The following PIK3R2 variants were observed in gnomAD, a reference collection of about 807,000 sequenced individuals.
PIK3R2 encodes the protein phosphatidylinositol 3-kinase regulatory subunit beta.
PIK3R2 carries 40 observed loss-of-function variants against 78.5 expected under a neutral mutation model. That is an observed-to-expected ratio of 0.51 (90% CI 0.40 to 0.66). PIK3R2 has a LOEUF of 0.66. PIK3R2 is among the 30% of genes least tolerant of loss of function. The probability of loss-of-function intolerance (pLI) is 0.00; values close to 1 mark genes in which losing one functional copy is unlikely to be tolerated. For missense variants in PIK3R2, 880 were observed against 1,026.6 expected (o/e 0.86, Z 1.95); for synonymous variants, 473 against 457.7 (o/e 1.03, Z -0.43).
intron 12 of PIK3R2, 114 bp downstream of exon 12, chr19:18,166,416 G>GCTGAGGCTCT: frequency 1.2e-6 from 1 of 865,962 alleles, no homozygotes. Flanking sequence ...GTAGTCTGTT[G>GCTGAGGCTCT]AAATGGACTT....
chr19:18,169,472 T>C lies in PIK3R2; in HGVS notation c.*178T>C. On this transcript the variant is annotated 3_prime_UTR_variant, in exon 16 of 16. Coordinates refer to ENST00000222254, the MANE Select transcript of PIK3R2 (RefSeq NM_005027.4). ...TTCCTTCCCTCCCCCATTCTCCAGA[T>C]CTCCCTCTGTCTCCTTTTCTCTGTC... 1 of 357,244 alleles carries C rather than the reference T, an allele frequency of 2.8e-6. No individual in the cohort carries two copies. Among genetic ancestry groups the C allele is most frequent in the Non-Finnish European group, 5.0e-6 (1 of 198,622 alleles). The allele number at this position is 357,244 out of a possible 1,614,324, so 22.1% of individuals were successfully genotyped here.
intron 11 of PIK3R2, among the ~76,000 whole-genome samples, chr19:18,165,059 C>T (rs2043794077): frequency 6.6e-6 from 1 of 151,086 alleles, no homozygotes; most frequent in Non-Finnish European, 1.5e-5. Context: ...GAAACCCCAT[C>T]TCTACCAAAA....
At chr19:18,159,684 AC>A (rs1242756724) in intron 2 of PIK3R2, among the ~76,000 whole-genome samples, 1 of 151,494 alleles carries the variant, frequency 6.6e-6, no homozygotes, top group Non-Finnish European at 1.5e-5. Context: ...ACCTCAAGTG[AC>A]CTGCTGGTCT....
rs2147953563 is a variant in PIK3R2, at chr19:18,163,254, T to C, written c.1291-9T>C. 1 of 1,614,044 alleles carries C rather than the reference T, an allele frequency of 6.2e-7. No homozygotes were observed. The highest frequency in any genetic ancestry group is 8.5e-7 in the Non-Finnish European group (1 of 1,179,996). ...ATGCATCTCCCCTCATTCCGCCACG[T>C]ATCTCCAGGACCAGATTGTCAAGGA... On this transcript the variant is annotated splice_polypyrimidine_tract_variant and intron_variant, in intron 10 of 15. Coordinates refer to ENST00000222254, the MANE Select transcript of PIK3R2 (RefSeq NM_005027.4).
chr19:18,167,186 G>T lies in PIK3R2; in HGVS notation c.1616G>T (p.Arg539Leu), dbSNP rs919917611. 1 of 1,610,512 alleles carries T rather than the reference G, an allele frequency of 6.2e-7. No homozygotes were observed. Among genetic ancestry groups the T allele is most frequent in the Non-Finnish European group, 8.5e-7 (1 of 1,178,528 alleles). ...KSRIAEIHES[R>L]TKLEQQLRAQ... ...CGCATTGCCGAGATCCATGAGAGCC[G>T]CACGAAGCTGGAGCAGCAGCTGCGG... The change falls in exon 13 of 16, where the codon CGC (arginine) becomes CTC (leucine). Residue 539 changes from arginine to leucine, a missense_variant. Coordinates refer to ENST00000222254, the MANE Select transcript of PIK3R2 (RefSeq NM_005027.4). The surrounding 1 kb of genome is among the most constrained non-coding windows in gnomAD (Gnocchi z 4.5).
Position 18,167,305 on chromosome 19 carries a change from G to A in PIK3R2, c.1735G>A (p.Val579Met), listed in dbSNP as rs550250836. ...GCGCAAGATCCGAGACCAGTACCTC[G>A]TGTAAGTGGCGGCTCCATACTTCCC... ...QLRKIRDQYLVWLTQKGARQK... is the reference protein window; with the variant it reads ...QLRKIRDQYLMWLTQKGARQK... Residue 579 changes from valine to methionine, a missense_variant and splice_region_variant, in exon 13 of 16, where the codon GTG becomes ATG. By Grantham distance (21) the Val-to-Met change is conservative (BLOSUM62 1). Transcript: ENST00000222254. The surrounding 1 kb of genome is among the most constrained non-coding windows in gnomAD (Gnocchi z 4.5). 1.2e-5 allele frequency: 19 copies of A among 1,582,704 alleles called. 1 individual carries two copies. Among genetic ancestry groups the A allele is most frequent in the South Asian group, 1.1e-4 (10 of 87,042 alleles).
At chr19:18,160,431 G>A (rs1799057719) in intron 2 of PIK3R2, 40 bp from the exon 3 acceptor site, 3 of 1,227,346 alleles carry the variant, frequency 2.4e-6, no homozygotes, top group African/African-American at 1.5e-5. Context: ...CTCCTTCCAG[G>A]AACCCCACCA....
At position 18,169,288 on chromosome 19, in the gene PIK3R2, C is replaced by T. The variant is rs2043844816; in HGVS notation, c.2181C>T (p.Ala727=). Reference sequence around the variant, plus strand: ...CGGGCCCCGGCCCGCCGCCTGCCGCCCGCTGAGCACCGAGGACCCGCCCCA... The same window carrying T: ...CGGGCCCCGGCCCGCCGCCTGCCGCTCGCTGAGCACCGAGGACCCGCCCCA... ...RAPGPGPPPA[A]R The change falls in exon 16 of 16, where the codon GCC becomes GCT. Residue 727 remains alanine, a synonymous_variant. Coordinates refer to ENST00000222254, the MANE Select transcript of PIK3R2 (RefSeq NM_005027.4). 1 of 1,485,800 alleles carries T rather than the reference C, an allele frequency of 6.7e-7. No homozygotes were observed. The highest frequency in any genetic ancestry group is 8.9e-7 in the Non-Finnish European group (1 of 1,124,384). The allele number at this position is 1,485,800 out of a possible 1,614,324, so 92.0% of individuals were successfully genotyped here.
In PIK3R2 at chr19:18,156,657, A is replaced by T. The variant is rs2147945915; in HGVS notation, c.322+456A>T. Among the ~76,000 whole-genome samples, 1 of 152,282 alleles carries T rather than the reference A, an allele frequency of 6.6e-6. No homozygotes were observed. The highest frequency in any genetic ancestry group is 1.5e-5 in the Non-Finnish European group (1 of 68,012). Reference sequence around the variant, plus strand: ...GGATTCAGAGGCTCAGCCTAGCTTCATCCTGCCTTTTGCAGACAGGGTCCC... The same window carrying T: ...GGATTCAGAGGCTCAGCCTAGCTTCTTCCTGCCTTTTGCAGACAGGGTCCC... On this transcript the variant is annotated intron_variant, in intron 2 of 15. Transcript: ENST00000222254. The surrounding 1 kb of genome is among the most constrained non-coding windows in gnomAD (Gnocchi z 4.2).
Position 18,169,963 on chromosome 19 carries a change from C to T in PIK3R2, c.*669C>T, listed in dbSNP as rs1599993862. On this transcript the variant is annotated 3_prime_UTR_variant, in exon 16 of 16. Coordinates refer to ENST00000222254, the MANE Select transcript of PIK3R2 (RefSeq NM_005027.4). Reference sequence around the variant, plus strand: ...GTGGCTCATGCCTGTAATCCCAGCACTTTGGGAGGCCAAGACGGGCGGATC... The same window carrying T: ...GTGGCTCATGCCTGTAATCCCAGCATTTTGGGAGGCCAAGACGGGCGGATC... The T allele has an allele frequency of 5.5e-6, 1 of 181,362 alleles. No homozygotes were observed. 11.2% of individuals were successfully genotyped at this position (181,362 alleles called of 1,614,324 possible).
In PIK3R2 at chr19:18,163,373, C is replaced by T. The variant is rs1031365601; in HGVS notation, c.1401C>T (p.Tyr467=). Residue 467 remains tyrosine, a synonymous_variant, in exon 11 of 16, where the codon TAC becomes TAT. Transcript: ENST00000222254. ...AGTATGACCAGCTTTATGAAGAGTA[C>T]ACACGGACCTCCCAGGTACTCCAGG... is the stretch of plus-strand genomic sequence containing the variant. ...SREYDQLYEE[Y]TRTSQELQMK... is the part of the protein sequence containing the mutation. The T allele has an allele frequency of 5.2e-5, 84 of 1,613,894 alleles. No homozygotes were observed. The highest frequency in any genetic ancestry group is 1.6e-4 in the Middle Eastern group (1 of 6,084).
Position 18,166,285 on chromosome 19 carries a change from C to G in PIK3R2, c.1542C>G (p.Asn514Lys). ...TGGAGCGCTTCCGGCGTGAGGGCAA[C>G]GAGAAAGAGATGCAAAGGTGAGTCT... ...EYLERFRREG[N>K]EKEMQRILLN... The change falls in exon 12 of 16, where the codon AAC (asparagine) becomes AAG (lysine). Residue 514 changes from asparagine (N) to lysine (K), a missense_variant. Physicochemically the swap from Asn to Lys is moderately conservative, Grantham distance 94. Transcript: ENST00000222254. 1 of 1,614,070 alleles carries G rather than the reference C, an allele frequency of 6.2e-7. No individual in the cohort carries two copies. Among genetic ancestry groups the G allele is most frequent in the Non-Finnish European group, 8.5e-7 (1 of 1,179,980 alleles).
At position 18,169,679 on chromosome 19, in the gene PIK3R2, C is replaced by T; in HGVS notation, c.*385C>T. The T allele has an allele frequency of 4.4e-6, 1 of 226,344 alleles. No homozygotes were observed. Among genetic ancestry groups the T allele is most frequent in the Middle Eastern group, 1.4e-3 (1 of 736 alleles). 14.0% of individuals were successfully genotyped at this position (226,344 alleles called of 1,614,324 possible). On this transcript the variant is annotated 3_prime_UTR_variant, in exon 16 of 16. Transcript: ENST00000222254. ...TGCACCTGCCATGTTTACAGAGGGC[C>T]CCTGGGCTGCGCGGCCCCAGCCTGG...
intron 12 of PIK3R2, among the ~76,000 whole-genome samples, chr19:18,166,678 C>A (rs2043813699): frequency 6.8e-6 from 1 of 147,172 alleles, no homozygotes; most frequent in Non-Finnish European, 1.5e-5. Flanking sequence ...CCACTGCACT[C>A]CAGCTTGGGT....
At position 18,168,962 on chromosome 19, in the gene PIK3R2, G is replaced by T; in HGVS notation, c.1979+66G>T. The T allele has an allele frequency of 1.3e-6, 2 of 1,566,992 alleles. No individual in the cohort carries two copies. Among genetic ancestry groups the T allele is most frequent in the African/African-American group, 1.4e-5 (1 of 73,978 alleles). ...AGAGCTCTCATTGAATGCCTGCCGC[G>T]TGCCAGGCCTTGGGAAGGAGTCCCT... On this transcript the variant is annotated intron_variant, in intron 15 of 15. Transcript: ENST00000222254. This position sits in a 1 kb window ranked among gnomAD's most constrained non-coding sequence, Gnocchi z 4.1.
At position 18,162,192 on chromosome 19, in the gene PIK3R2, T is replaced by C; in HGVS notation, c.902-10T>C. Reference sequence around the variant, plus strand: ...GGTGCTCAGGATGCATTTGTTTTCCTGTCCCCCAGCGCTGCCGCCTAAACC... The same window carrying C: ...GGTGCTCAGGATGCATTTGTTTTCCCGTCCCCCAGCGCTGCCGCCTAAACC... On this transcript the variant is annotated splice_polypyrimidine_tract_variant and intron_variant, in intron 7 of 15. Coordinates refer to ENST00000222254, the MANE Select transcript of PIK3R2 (RefSeq NM_005027.4). 1 of 1,502,400 alleles carries C rather than the reference T, an allele frequency of 6.7e-7. No homozygotes were observed. The highest frequency in any genetic ancestry group is 9.2e-7 in the Non-Finnish European group (1 of 1,081,212). The allele number at this position is 1,502,400 out of a possible 1,614,324, so 93.1% of individuals were successfully genotyped here. A position where few individuals can be genotyped will look rare whatever the true frequency, so the allele number is the denominator to read the frequency against.
Position 18,162,521 on chromosome 19 carries a change from C to G in PIK3R2, c.1109+15C>G. The G allele has an allele frequency of 1.2e-6, 2 of 1,606,526 alleles. No homozygotes were observed. Among genetic ancestry groups the G allele is most frequent in the South Asian group, 2.2e-5 (2 of 90,954 alleles). ...CTGACCCTCAGGTGGGGGCCTGTCCCTGCAAGGATAACCGGGGGTCACAGG... is the reference window on the plus strand; with the variant it reads ...CTGACCCTCAGGTGGGGGCCTGTCCGTGCAAGGATAACCGGGGGTCACAGG... On this transcript the variant is annotated intron_variant, in intron 9 of 15. Transcript: ENST00000222254.
chr19:18,155,633 A>C lies in PIK3R2; in HGVS notation c.-247A>C. ...CTCAATGGCCCAGTGACCTGACACC[A>C]CACCACCAACTCCCTCCCACCAGCT... On this transcript the variant is annotated 5_prime_UTR_variant, in exon 2 of 16. Coordinates refer to ENST00000222254, the MANE Select transcript of PIK3R2 (RefSeq NM_005027.4). 1 of 539,386 alleles carries C rather than the reference A, an allele frequency of 1.9e-6. No homozygotes were observed. Among genetic ancestry groups the C allele is most frequent in the South Asian group, 2.4e-5 (1 of 40,994 alleles). The allele number at this position is 539,386 out of a possible 1,614,324, so 33.4% of individuals were successfully genotyped here.
Position 18,169,721 on chromosome 19 carries a change from G to T in PIK3R2, c.*427G>T. 1 of 207,338 alleles carries T rather than the reference G, an allele frequency of 4.8e-6. No individual in the cohort carries two copies. The highest frequency in any genetic ancestry group is 2.3e-5 in the African/African-American group (1 of 43,842). The allele number at this position is 207,338 out of a possible 1,614,324, so 12.8% of individuals were successfully genotyped here. On this transcript the variant is annotated 3_prime_UTR_variant, in exon 16 of 16. Transcript: ENST00000222254. ...CCAGCCTGGGCACCCTGATTTTTAA[G>T]CCATAGACCTGGGGTCAGGGCAGGA...
Sources: allele counts gnomAD v4.1 joint callset (sites outside exome capture counted in the v4.1 genomes callset), GRCh38; gene constraint gnomAD v4.1.1; non-coding constraint Gnocchi (gnomAD v3.1); transcripts MANE v1.5; gene names NCBI Gene and HGNC (gene_info 2026-07-23, HGNC 2026-07-21).